Variants in CSMD1 observed in about 807,000 individuals in gnomAD.
CSMD1 encodes CUB and Sushi multiple domains 1, also known as CUB and sushi domain-containing protein 1.
CSMD1 carries 213 observed loss-of-function variants against 417.5 expected under a neutral mutation model. The ratio of observed to expected loss-of-function variants is 0.51; its 90% CI spans 0.46 to 0.57. The LOEUF (loss-of-function observed/expected upper bound fraction) is 0.57, where lower values mean the gene tolerates loss of function less well. CSMD1 is among the 20% of genes least tolerant of loss of function. CSMD1 has a pLI of 0.00. For missense variants in CSMD1, 6,923 were observed against 4,529.7 expected (o/e 1.53, Z -15.17); for synonymous variants, 2,862 against 1,736.8 (o/e 1.65, Z -16.11).
intron 1 of CSMD1, among the ~76,000 whole-genome samples, chr8:4,838,070 T>C (rs570738081): frequency 5.9e-5 from 9 of 152,142 alleles, no homozygotes; most frequent in African/African-American, 1.4e-4. Context: ...GGAAGGGACA[T>C]AGTGGATTTG....
At chr8:4,312,509 A>G (rs2128879573) in intron 3 of CSMD1, among the ~76,000 whole-genome samples, 1 of 150,020 alleles carries the variant, frequency 6.7e-6, no homozygotes, top group East Asian at 1.9e-4. Context: ...TTCCAGTTTT[A>G]TTATCAATGT....
chr8:3,107,985 A>G (rs1436191951), intron 44 of CSMD1, among the ~76,000 whole-genome samples, 187 bp from the exon 45 acceptor site: 1 of 152,234 alleles, frequency 6.6e-6, no homozygotes, highest in African/African-American at 2.4e-5. Flanking sequence ...TTTAGTGCCA[A>G]AAAACAGTTA....
chr8:3,190,505 T>C (rs776357647), intron 33 of CSMD1, among the ~76,000 whole-genome samples: 1 of 152,136 alleles, frequency 6.6e-6, no homozygotes, highest in Non-Finnish European at 1.5e-5. Flanking sequence ...TGACTAACCA[T>C]GCGTACTTGT....
intron 23 of CSMD1, among the ~76,000 whole-genome samples, chr8:3,314,364 T>A (rs374185616): frequency 6.6e-6 from 1 of 152,184 alleles, no homozygotes; most frequent in Non-Finnish European, 1.5e-5. Flanking sequence ...TTTTGACTGA[T>A]CAATTTTAAG....
At chr8:4,853,963 A>G (rs1042454496) in intron 1 of CSMD1, among the ~76,000 whole-genome samples, 1 of 151,782 alleles carries the variant, frequency 6.6e-6, no homozygotes, top group Non-Finnish European at 1.5e-5. Flanking sequence ...TCTTTTGGCC[A>G]TTTTTTTTCC....
intron 1 of CSMD1, among the ~76,000 whole-genome samples, chr8:4,705,855 C>T (rs1232153154): frequency 6.6e-6 from 1 of 152,030 alleles, no homozygotes; most frequent in Non-Finnish European, 1.5e-5. Flanking sequence ...GTCCTGGGGG[C>T]ACTTTAAAAT....
intron 7 of CSMD1, among the ~76,000 whole-genome samples, chr8:3,648,493 C>A (rs761292963): frequency 3.3e-5 from 5 of 152,176 alleles, no homozygotes; most frequent in Non-Finnish European, 7.3e-5. Context: ...AGTGGAGTGA[C>A]TGCTGAGATT....
At chr8:4,342,139 A>T (rs1213843022) in intron 3 of CSMD1, among the ~76,000 whole-genome samples, 1 of 152,024 alleles carries the variant, frequency 6.6e-6, no homozygotes, top group Non-Finnish European at 1.5e-5. Context: ...ACAAGAAGCC[A>T]ATCTAAGACT....
In CSMD1 at chr8:4,109,588, G is replaced by C. The variant is rs528672525; in HGVS notation, c.416-77489C>G. Among the ~76,000 whole-genome samples, 24 of 152,264 alleles carry C rather than the reference G, an allele frequency of 1.6e-4. 2 individuals carry two copies. The highest frequency in any genetic ancestry group is 5.3e-4 in the African/African-American group (22 of 41,556). ...CCAGTCAATGTCTGGAACTACGCAG[G>C]AGCATTTGCCTTTGGATATTGTTGG... On this transcript the variant is annotated intron_variant, in intron 3 of 69. Coordinates refer to ENST00000635120, the MANE Select transcript of CSMD1 (RefSeq NM_033225.6).
intron 26 of CSMD1, among the ~76,000 whole-genome samples, chr8:3,250,348 G>A (rs1800173507): frequency 6.6e-6 from 1 of 152,130 alleles, no homozygotes; most frequent in South Asian, 2.1e-4. Flanking sequence ...TGAGAATGAT[G>A]GTTTCCAGCT....
intron 1 of CSMD1, among the ~76,000 whole-genome samples, chr8:4,685,518 G>T (rs1219690064): frequency 1.2e-4 from 18 of 152,092 alleles, no homozygotes; most frequent in African/African-American, 3.6e-4. Context: ...GGAGGTTGCA[G>T]TGAGTCGAGA....
intron 14 of CSMD1, among the ~76,000 whole-genome samples, chr8:3,407,254 T>G (rs1812403078): frequency 6.8e-6 from 1 of 147,894 alleles, no homozygotes. Flanking sequence ...GAAGGATGAA[T>G]GGAAGGATAT....
chr8:4,105,421 A>T (rs562692056), intron 3 of CSMD1, among the ~76,000 whole-genome samples: 8 of 152,214 alleles, frequency 5.3e-5, no homozygotes, highest in Non-Finnish European at 1.2e-4. Flanking sequence ...AGGAAAGAGC[A>T]TGGACACTGG....
intron 3 of CSMD1, among the ~76,000 whole-genome samples, chr8:4,041,565 AAGTG>A (rs1312622748): frequency 2.0e-5 from 3 of 152,190 alleles, no homozygotes; most frequent in African/African-American, 4.8e-5. Context: ...GCACCTGTCA[AAGTG>A]AGATTCACAG....
At chr8:3,286,469 C>T (rs1038310583) in intron 25 of CSMD1, among the ~76,000 whole-genome samples, 1 of 152,030 alleles carries the variant, frequency 6.6e-6, no homozygotes, top group Non-Finnish European at 1.5e-5. Context: ...CCTATTTCTC[C>T]ACATCCTCTC....
intron 1 of CSMD1, among the ~76,000 whole-genome samples, chr8:4,747,882 T>A (rs1336803082): frequency 6.6e-6 from 1 of 152,236 alleles, no homozygotes; most frequent in African/African-American, 2.4e-5. Flanking sequence ...CACCAGGATA[T>A]CTGTTGTTGC....
intron 6 of CSMD1, among the ~76,000 whole-genome samples, chr8:3,729,137 C>G (rs1222806673): frequency 6.6e-6 from 1 of 152,216 alleles, no homozygotes; most frequent in African/African-American, 2.4e-5. Context: ...TCAGAAAACT[C>G]ACTTGTGGAA....
At chr8:3,608,821 T>C (rs1486866148) in intron 8 of CSMD1, among the ~76,000 whole-genome samples, 2 of 151,730 alleles carry the variant, frequency 1.3e-5, no homozygotes, top group Admixed American at 1.3e-4. Flanking sequence ...TGCTAGTCTA[T>C]GTGGATCCGT....
intron 52 of CSMD1, among the ~76,000 whole-genome samples, chr8:3,014,498 C>G (rs772418909): frequency 3.9e-5 from 6 of 152,180 alleles, no homozygotes; most frequent in African/African-American, 9.7e-5. Context: ...AAGAACACTG[C>G]CAGTAACTCA....
Sources: allele counts gnomAD v4.1 joint callset (sites outside exome capture counted in the v4.1 genomes callset), GRCh38; gene constraint gnomAD v4.1.1; transcripts MANE v1.5; gene names NCBI Gene and HGNC (gene_info 2026-07-23, HGNC 2026-07-21).